DPP6: variants seen among roughly 807,000 people sequenced by gnomAD.
DPP6 encodes the protein dipeptidyl peptidase like 6, also known as A-type potassium channel modulatory protein DPP6.
A neutral mutation model predicts 122.6 loss-of-function variants in DPP6; 69 were observed. The ratio of observed to expected loss-of-function variants is 0.56; its 90% CI spans 0.46 to 0.69. The LOEUF (loss-of-function observed/expected upper bound fraction) is 0.69. Ranked by LOEUF, DPP6 falls within the 30% of genes least tolerant of loss-of-function variation. The probability of loss-of-function intolerance (pLI) is 0.00; values close to 1 mark genes in which losing one functional copy is unlikely to be tolerated. For missense variants in DPP6, 928 were observed against 1,116.9 expected (o/e 0.83, Z 2.41); for synonymous variants, 418 against 433.1 (o/e 0.97, Z 0.43).
At chr7:154,748,048 A>G (rs1429366283) in intron 8 of DPP6, among the ~76,000 whole-genome samples, 3 of 152,194 alleles carry the variant, frequency 2.0e-5, no homozygotes, top group African/African-American at 7.2e-5. Context: ...TTGCTTACGT[A>G]ATGGGTCTTA....
chr7:154,226,107 C>A (rs557569830), intron 1 of DPP6, among the ~76,000 whole-genome samples: 2 of 152,146 alleles, frequency 1.3e-5, no homozygotes, highest in African/African-American at 4.8e-5. Flanking sequence ...GGAGATTAGG[C>A]CCATGGAGAA....
the DPP6 span, among the ~76,000 whole-genome samples, chr7:153,792,657 GT>G: frequency 2.4e-3 from 363 of 148,386 alleles, no homozygotes; most frequent in Middle Eastern, 0.01. Flanking sequence ...TCTTAAAGTT[GT>G]TCTTTTTTTT....
chr7:154,491,390 C>G (rs1239793422), intron 3 of DPP6, among the ~76,000 whole-genome samples: 1 of 152,182 alleles, frequency 6.6e-6, no homozygotes, highest in Admixed American at 6.5e-5. Context: ...CCTGATTGCT[C>G]AGATCCCACA....
At chr7:154,104,834 G>C (rs1806032808) in intron 1 of DPP6, among the ~76,000 whole-genome samples, 2 of 152,158 alleles carry the variant, frequency 1.3e-5, no homozygotes, top group South Asian at 4.2e-4. Flanking sequence ...TGTAAGATCA[G>C]GTTTGAGGCT....
chr7:153,862,427 A>T, the DPP6 span, among the ~76,000 whole-genome samples: 1 of 152,142 alleles, frequency 6.6e-6, no homozygotes, highest in Admixed American at 6.5e-5. Context: ...TTTGCCTCTC[A>T]CCTTGAAAAA....
intron 17 of DPP6, among the ~76,000 whole-genome samples, chr7:154,854,508 G>A (rs73485670): frequency 0.02 from 3,010 of 152,196 alleles, 92 homozygotes; most frequent in African/African-American, 0.069. Flanking sequence ...CAAGGACTTA[G>A]GCTCAAAGGT....
intron 1 of DPP6, among the ~76,000 whole-genome samples, chr7:153,977,620 T>C (rs1796375625): frequency 1.3e-5 from 2 of 152,296 alleles, no homozygotes; most frequent in Admixed American, 6.5e-5. Flanking sequence ...CAGTTTGTTA[T>C]GTAGGTATAC....
At chr7:154,103,627 T>C (rs1310962506) in intron 1 of DPP6, among the ~76,000 whole-genome samples, 3 of 152,262 alleles carry the variant, frequency 2.0e-5, no homozygotes, top group African/African-American at 7.2e-5. Context: ...AGACTGACGT[T>C]TGAGTCAGTG....
intron 2 of DPP6, among the ~76,000 whole-genome samples, chr7:154,465,444 T>A (rs1319296200): frequency 6.6e-6 from 1 of 151,868 alleles, no homozygotes; most frequent in Admixed American, 6.6e-5. Flanking sequence ...TGGGAGAAAA[T>A]TTTTGCAATC....
At chr7:154,632,252 A>C (rs1386545338) in intron 5 of DPP6, among the ~76,000 whole-genome samples, 2 of 152,206 alleles carry the variant, frequency 1.3e-5, no homozygotes, top group East Asian at 1.9e-4. Context: ...AACTTAAAAC[A>C]TGTAAGGAGG....
At chr7:153,799,292 AT>A in the DPP6 span, among the ~76,000 whole-genome samples, 3 of 152,166 alleles carry the variant, frequency 2.0e-5, no homozygotes, top group African/African-American at 4.8e-5. Context: ...AAATATATAT[AT>A]TTTTTATGGA....
chr7:154,460,920 T>A (rs1821243556), intron 2 of DPP6, among the ~76,000 whole-genome samples: 1 of 152,220 alleles, frequency 6.6e-6, no homozygotes, highest in Non-Finnish European at 1.5e-5. Flanking sequence ...GTCACATTGT[T>A]ATGCTATCAA....
intron 1 of DPP6, among the ~76,000 whole-genome samples, chr7:154,145,278 T>C (rs2150670701): frequency 6.6e-6 from 1 of 152,240 alleles, no homozygotes; most frequent in South Asian, 2.1e-4. Flanking sequence ...AAAGCAGACC[T>C]CCTTGTCATG....
chr7:154,669,563 TG>T (rs1838421995), intron 7 of DPP6, 122 bp downstream of exon 7: 1 of 1,281,068 alleles, frequency 7.8e-7, no homozygotes, highest in Non-Finnish European at 1.1e-6. Flanking sequence ...TGTGTGTGTG[TG>T]TGTAAATTAA....
chr7:154,208,384 C>G (rs1244646409), intron 1 of DPP6, among the ~76,000 whole-genome samples: 1 of 152,206 alleles, frequency 6.6e-6, no homozygotes, highest in Non-Finnish European at 1.5e-5. Flanking sequence ...ACATTTCCAC[C>G]AGTTATTTGA....
intron 5 of DPP6, among the ~76,000 whole-genome samples, chr7:154,614,033 C>T (rs536369652): frequency 2.6e-5 from 4 of 152,334 alleles, no homozygotes; most frequent in African/African-American, 4.8e-5. Flanking sequence ...CACTCTCCAG[C>T]GGCAGCACGG....
rs1200021337 is a variant in DPP6, at chr7:154,132,682, C to G, written c.243+79619C>G. ...GATCTTTCTTGTCTTCAGTGGGTTT[C>G]CACTGCCTAAAGGATAACATCCCTA... On this transcript the variant is annotated intron_variant, in intron 1 of 25. Transcript: ENST00000377770. Among the ~76,000 whole-genome samples the G allele has an allele frequency of 5.3e-5, 8 of 152,066 alleles. 1 individual carries two copies. Among genetic ancestry groups the G allele is most frequent in the African/African-American group, 1.9e-4 (8 of 41,316 alleles).
Position 154,374,904 on chromosome 7 carries a change from G to A in DPP6, c.244-71310G>A, listed in dbSNP as rs1458225381. 4.6e-5 allele frequency among the ~76,000 whole-genome samples: 7 copies of A among 152,296 alleles called. No individual in the cohort carries two copies. The East Asian group carries it at 5.8e-4, about 13-fold the overall frequency. On this transcript the variant is annotated intron_variant, in intron 1 of 25. Transcript: ENST00000377770. ...TGGGATTACAGGCGTGAGCCACCGCGCCCGGCCGACATTATAGTTTTAATT... is the reference window on the plus strand; with the variant it reads ...TGGGATTACAGGCGTGAGCCACCGCACCCGGCCGACATTATAGTTTTAATT...
At position 154,727,817 on chromosome 7, in the gene DPP6, G is replaced by A. The variant is rs61736427; in HGVS notation, c.813G>A (p.Gln271=). ...ACTACTGTGCACATGTCGGGAAACA[G>A]GCCATCCGTGTGGTCTCCACTGGCA... ...NIYYCAHVGK[Q]AIRVVSTGKE... Residue 271 remains glutamine, a synonymous_variant, in exon 8 of 26, where the codon CAG becomes CAA. Transcript: ENST00000377770. 4.7e-3 allele frequency: 7,599 copies of A among 1,613,808 alleles called. 201 individuals are homozygous for A. The African/African-American group carries it at 0.066, about 14-fold the overall frequency.
Sources: gnomAD v4.1 joint callset for allele counts (sites outside exome capture counted in the v4.1 genomes callset) on GRCh38, gnomAD v4.1.1 for gene constraint, MANE v1.5 for transcripts, NCBI Gene and HGNC (gene_info 2026-07-23, HGNC 2026-07-21) for gene names.